The following CACNB4 variants were observed in gnomAD, a reference collection of about 807,000 sequenced individuals.
CACNB4 encodes voltage-dependent L-type calcium channel subunit beta-4.
A neutral mutation model predicts 71.2 loss-of-function variants in CACNB4; 32 were observed. That is an observed-to-expected ratio of 0.45 (90% confidence interval 0.34 to 0.60). The LOEUF is 0.60. Among genes scored for constraint, CACNB4 ranks in the 20% least tolerant of loss-of-function variants. The pLI is 0.01. For missense variants in CACNB4, 464 were observed against 647.9 expected, an observed-to-expected ratio of 0.72 and a Z score of 3.08; for synonymous variants, 231 against 236.9, an observed-to-expected ratio of 0.97 and a Z score of 0.23.
intron 2 of CACNB4, among the ~76,000 whole-genome samples, chr2:152,061,055 C>T (rs993783080): frequency 6.6e-6 from 1 of 152,148 alleles, no homozygotes; most frequent in African/African-American, 2.4e-5. Flanking sequence ...TGCCTATAAT[C>T]CCAACGTTTT....
At position 151,998,315 on chromosome 2, in the gene CACNB4, CAAAAAAAAAAAAAAAA is replaced by C. The variant is rs70974815; in HGVS notation, c.147+99999_147+100014del. Among the ~76,000 whole-genome samples the C allele has an allele frequency of 9.0e-5, 10 of 110,702 alleles. No homozygotes were observed. The East Asian group carries it at 2.7e-3, about 30-fold the overall frequency. 72.6% of individuals were successfully genotyped at this position (110,702 alleles called of 152,430 possible). On this transcript the variant is annotated intron_variant, in intron 2 of 13. Transcript: ENST00000539935. ...AATCCAGCCTGGGCAACTCCATCTCCAAAAAAAAAAAAAAAAAAAAAAAAAAAAGTTGAAATTAAGT... is the reference window on the plus strand; with the variant it reads ...AATCCAGCCTGGGCAACTCCATCTCCAAAAAAAAAAAAGTTGAAATTAAGT...
At chr2:151,840,441 A>G (rs2099835883) in intron 13 of CACNB4, among the ~76,000 whole-genome samples, 1 of 152,256 alleles carries the variant, frequency 6.6e-6, no homozygotes, top group Non-Finnish European at 1.5e-5. Context: ...TAAAAGTGCA[A>G]CATTGCATTT....
At chr2:152,023,353 G>A (rs2105138727) in intron 2 of CACNB4, among the ~76,000 whole-genome samples, 1 of 152,198 alleles carries the variant, frequency 6.6e-6, no homozygotes, top group Non-Finnish European at 1.5e-5. Context: ...ACCATATCAA[G>A]GAGGCCCAAG....
intron 2 of CACNB4, among the ~76,000 whole-genome samples, chr2:152,059,137 G>A (rs1184510456): frequency 6.6e-6 from 1 of 152,242 alleles, no homozygotes; most frequent in Non-Finnish European, 1.5e-5. Context: ...CCCTCATGGA[G>A]AACCTCTGCT....
chr2:152,066,508 G>A (rs1219502489), intron 2 of CACNB4, among the ~76,000 whole-genome samples: 11 of 151,042 alleles, frequency 7.3e-5, no homozygotes, highest in Non-Finnish European at 1.6e-4. Context: ...GTGCTGGAGA[G>A]GATGTGGAGA....
chr2:151,889,508 G>A (rs2099850223), intron 2 of CACNB4, among the ~76,000 whole-genome samples: 2 of 150,164 alleles, frequency 1.3e-5, no homozygotes, highest in South Asian at 4.2e-4. Context: ...TGGACTAAGC[G>A]ATCATGGAAT....
chr2:152,049,607 C>T (rs1391358411), intron 2 of CACNB4, among the ~76,000 whole-genome samples: 1 of 151,808 alleles, frequency 6.6e-6, no homozygotes, highest in African/African-American at 2.4e-5. Context: ...TTCTCCCTTC[C>T]TCATTTTCTC....
rs2099844031 is a variant in CACNB4 at position 151,869,403 on chromosome 2, T to C, written c.700-168A>G. 3 of 555,222 alleles carry C rather than the reference T, an allele frequency of 5.4e-6. No individual in the cohort carries two copies. The South Asian group carries it at 7.9e-5, about 15-fold the overall frequency. The allele number at this position is 555,222 out of a possible 1,614,324, so 34.4% of individuals were successfully genotyped here. ...GGAAGGTGTTTTTCATGCTTAACCA[T>C]GTGCAATTGCTAATTTCCACCCCCC... On this transcript the variant is annotated intron_variant, in intron 8 of 13. Transcript: ENST00000539935.
intron 2 of CACNB4, among the ~76,000 whole-genome samples, chr2:151,938,244 A>C (rs1173506913): frequency 7.2e-5 from 11 of 152,258 alleles, no homozygotes; most frequent in Non-Finnish European, 2.9e-5. Context: ...GTCTTCTCTC[A>C]AAGTGTAATG....
intron 11 of CACNB4, chr2:151,854,867 T>C (rs920290971): frequency 2.3e-5 from 4 of 171,324 alleles, no homozygotes; most frequent in Admixed American, 6.1e-5. Flanking sequence ...CTCAACTAGG[T>C]ACAGAGTATG....
chr2:152,096,867 A>G (rs1688297990), intron 2 of CACNB4, among the ~76,000 whole-genome samples: 1 of 152,204 alleles, frequency 6.6e-6, no homozygotes, highest in African/African-American at 2.4e-5. Context: ...TTTTAGTCAA[A>G]CAGCTTATGG....
At chr2:151,841,544 T>C in intron 13 of CACNB4, 1 of 227,866 alleles carries the variant, frequency 4.4e-6, no homozygotes, top group Non-Finnish European at 8.6e-6. Context: ...GCTATGATCA[T>C]ATCACTGCAT....
intron 2 of CACNB4, among the ~76,000 whole-genome samples, chr2:151,953,863 C>T (rs1218698975): frequency 2.0e-5 from 3 of 152,162 alleles, no homozygotes; most frequent in Non-Finnish European, 4.4e-5. Context: ...TGTAAACAGT[C>T]CTTTGGTAAC....
At position 151,853,438 on chromosome 2, in the gene CACNB4, T is replaced by A; in HGVS notation, c.1116+10A>T. ...CAAGAATGATGAAGACAAAAAATGA[T>A]CATACTTACTGGGGGGCATTGTGCA... is the stretch of plus-strand genomic sequence containing the variant. On this transcript the variant is annotated intron_variant, in intron 12 of 13. Coordinates refer to ENST00000539935, the MANE Select transcript of CACNB4 (RefSeq NM_000726.5). 6.5e-7 allele frequency: 1 copy of A among 1,546,040 alleles called. No homozygotes were observed. The highest frequency in any genetic ancestry group is 8.8e-7 in the Non-Finnish European group (1 of 1,135,242).
chr2:152,048,114 G>C (rs1375433285), intron 2 of CACNB4, among the ~76,000 whole-genome samples: 2 of 152,136 alleles, frequency 1.3e-5, no homozygotes, highest in Non-Finnish European at 2.9e-5. Context: ...TCGTGGACCA[G>C]ATGACTCTTT....
At chr2:152,062,417 G>T (rs1686071236) in intron 2 of CACNB4, among the ~76,000 whole-genome samples, 2 of 152,100 alleles carry the variant, frequency 1.3e-5, no homozygotes, top group African/African-American at 4.8e-5. Flanking sequence ...TTTTGATCCA[G>T]TCTCTCTATG....
chr2:151,997,501 T>C (rs558235247), intron 2 of CACNB4, among the ~76,000 whole-genome samples: 2 of 151,230 alleles, frequency 1.3e-5, no homozygotes, highest in African/African-American at 4.8e-5. Flanking sequence ...GCCACTGCAC[T>C]CCAGCCTGGG....
At chr2:151,954,205 T>C (rs536111629) in intron 2 of CACNB4, among the ~76,000 whole-genome samples, 3 of 152,248 alleles carry the variant, frequency 2.0e-5, no homozygotes, top group East Asian at 3.8e-4. Context: ...AGCTCCTCGT[T>C]CTAAACCAGA....
chr2:151,881,922 C>T (rs1380195652), intron 3 of CACNB4, among the ~76,000 whole-genome samples: 1 of 147,706 alleles, frequency 6.8e-6, no homozygotes, highest in African/African-American at 2.5e-5. Context: ...ACCCTGTTGC[C>T]CAGGCTGGAA....
Sources: gnomAD v4.1 joint callset for allele counts (sites outside exome capture counted in the v4.1 genomes callset) on GRCh38, gnomAD v4.1.1 for gene constraint, MANE v1.5 for transcripts, NCBI Gene and HGNC (gene_info 2026-07-23, HGNC 2026-07-21) for gene names.